Variants in UGT2A2 observed in about 807,000 individuals in gnomAD.
The protein encoded by UGT2A2 is UDP-glucuronosyltransferase 2A2.
A neutral mutation model predicts 50.7 loss-of-function variants in UGT2A2; 60 were observed. The observed-to-expected ratio is 1.18, with a 90% confidence interval of 0.96 to 1.47. UGT2A2 has a LOEUF of 1.47. Among genes scored for constraint, UGT2A2 ranks in the 40% most tolerant of loss-of-function variants. The pLI, the probability that UGT2A2 is intolerant of heterozygous loss-of-function variation, is 0.00. For missense variants in UGT2A2, 762 were observed against 634.0 expected, an observed-to-expected ratio of 1.20 and a Z score of -2.17; for synonymous variants, 242 against 214.6, an observed-to-expected ratio of 1.13 and a Z score of -1.11.
intron 1 of UGT2A2, among the ~76,000 whole-genome samples, chr4:69,620,115 T>A (rs960108590): frequency 6.6e-6 from 1 of 151,966 alleles, no homozygotes; most frequent in African/African-American, 2.4e-5. Flanking sequence ...TTCAACATAG[T>A]ACTGGAAGTC....
intron 1 of UGT2A2, among the ~76,000 whole-genome samples, chr4:69,620,742 T>C (rs1347364519): frequency 6.7e-6 from 1 of 149,168 alleles, no homozygotes; most frequent in Non-Finnish European, 1.5e-5. Context: ...CTTTAAACTA[T>C]ACTACAGGGC....
At chr4:69,598,173 C>A (rs1296819472) in intron 2 of UGT2A2, among the ~76,000 whole-genome samples, 1 of 151,902 alleles carries the variant, frequency 6.6e-6, no homozygotes, top group Non-Finnish European at 1.5e-5. Flanking sequence ...CTTGACTGGC[C>A]AGAAAATCCT....
Position 69,588,812 on chromosome 4 carries a change from G to C in UGT2A2, c.*560C>G, listed in dbSNP as rs977499148. On this transcript the variant is annotated 3_prime_UTR_variant, in exon 6 of 6. Coordinates refer to ENST00000604629, the MANE Select transcript of UGT2A2 (RefSeq NM_001105677.2). The stretch of plus-strand genomic sequence containing the variant: ...AATTTTGTAGACATTTAATAGGGAC[G>C]CACGTCACACTTAAAATTCATTCTC... 6.6e-6 allele frequency: 1 copy of C among 151,984 alleles called. No homozygotes were observed. The highest frequency in any genetic ancestry group is 1.5e-5 in the Non-Finnish European group (1 of 68,044). The allele number at this position is 151,984 out of a possible 1,614,324, so 9.4% of individuals were successfully genotyped here. A position where few individuals can be genotyped will look rare whatever the true frequency, so the allele number is the denominator to read the frequency against.
chr4:69,634,952 G>A (rs1189887571), intron 1 of UGT2A2, among the ~76,000 whole-genome samples: 1 of 151,986 alleles, frequency 6.6e-6, no homozygotes, highest in Admixed American at 6.6e-5. Context: ...CTGGGATAAG[G>A]TAACATTAGT....
intron 1 of UGT2A2, among the ~76,000 whole-genome samples, chr4:69,607,514 G>C (rs1284128581): frequency 6.6e-6 from 1 of 151,702 alleles, no homozygotes; most frequent in Non-Finnish European, 1.5e-5. Flanking sequence ...CATGGGCAAG[G>C]ACTTCATGTC....
chr4:69,620,602 C>T lies in UGT2A2; in HGVS notation c.742+18297G>A, dbSNP rs1282429870. The stretch of plus-strand genomic sequence containing the variant: ...GCTATTCATATTAAACTATTAATAC[C>T]ATTCTTCACAGAATTAGAAATAAAA... On this transcript the variant is annotated intron_variant, in intron 1 of 5. Coordinates refer to ENST00000604629, the MANE Select transcript of UGT2A2 (RefSeq NM_001105677.2). 1.2e-4 allele frequency among the ~76,000 whole-genome samples: 18 copies of T among 150,580 alleles called. 1 individual carries two copies. Among genetic ancestry groups the T allele is most frequent in the Admixed American group, 1.2e-3 (18 of 15,084 alleles).
intron 1 of UGT2A2, among the ~76,000 whole-genome samples, chr4:69,613,298 C>T (rs188116186): frequency 2.0e-5 from 3 of 151,926 alleles, no homozygotes; most frequent in African/African-American, 7.2e-5. Context: ...AAATCCAAAA[C>T]CTGAACGAGG....
rs1169210022 is a variant in UGT2A2 at position 69,596,390 on chromosome 4, A to G, written c.892-9T>C. On this transcript the variant is annotated splice_polypyrimidine_tract_variant and intron_variant, in intron 2 of 5. Coordinates refer to ENST00000604629, the MANE Select transcript of UGT2A2 (RefSeq NM_001105677.2). ...ATAAATTCTTCCATTTCCTGCATACATAATATATTTTCTATTACAAAGGTG... is the reference window on the plus strand; with the variant it reads ...ATAAATTCTTCCATTTCCTGCATACGTAATATATTTTCTATTACAAAGGTG... The G allele has an allele frequency of 6.4e-7, 1 of 1,562,582 alleles. No individual in the cohort carries two copies. Among genetic ancestry groups the G allele is most frequent in the South Asian group, 1.2e-5 (1 of 82,920 alleles).
At position 69,588,559 on chromosome 4, in the gene UGT2A2, A is replaced by C. The variant is rs1352903480; in HGVS notation, c.*813T>G. On this transcript the variant is annotated 3_prime_UTR_variant, in exon 6 of 6. Transcript: ENST00000604629. ...GTAATTATTTGTACAGTTGACTAAAAATTTTATAAAAATGATAATTATTTT... is the reference window on the plus strand; with the variant it reads ...GTAATTATTTGTACAGTTGACTAAACATTTTATAAAAATGATAATTATTTT... The C allele has an allele frequency of 1.3e-5, 2 of 152,098 alleles. No individual in the cohort carries two copies. The highest frequency in any genetic ancestry group is 2.9e-5 in the Non-Finnish European group (2 of 67,994). The allele number at this position is 152,098 out of a possible 1,614,324, so 9.4% of individuals were successfully genotyped here. A position where few individuals can be genotyped will look rare whatever the true frequency, so the allele number is the denominator to read the frequency against.
rs370915810 is a variant in UGT2A2 at position 69,595,151 on chromosome 4, C to T, written c.1111+11G>A. 1.9e-6 allele frequency: 3 copies of T among 1,613,702 alleles called. No homozygotes were observed. Among genetic ancestry groups the T allele is most frequent in the Non-Finnish European group, 1.7e-6 (2 of 1,179,816 alleles). On this transcript the variant is annotated intron_variant, in intron 4 of 5. Transcript: ENST00000604629. ...TCCCACTGTACAGCTTTTCTTTCCC[C>T]ACAGTCTTACCAAGAAGATCATTCT...
At chr4:69,598,438 T>C (rs547699472) in intron 2 of UGT2A2, among the ~76,000 whole-genome samples, 77 of 152,238 alleles carry the variant, frequency 5.1e-4, no homozygotes, top group Middle Eastern at 3.4e-3. Context: ...ATATTCCACA[T>C]TTCTTTTCTG....
At chr4:69,608,909 A>T (rs1719851159) in intron 1 of UGT2A2, among the ~76,000 whole-genome samples, 1 of 152,148 alleles carries the variant, frequency 6.6e-6, no homozygotes, top group African/African-American at 2.4e-5. Flanking sequence ...TGTTTAAAGT[A>T]AAAGCAAAAC....
chr4:69,592,412 T>G (rs544359904), intron 5 of UGT2A2, among the ~76,000 whole-genome samples: 134 of 152,048 alleles, frequency 8.8e-4, no homozygotes, highest in Non-Finnish European at 1.7e-3. Context: ...TAAAAATGCA[T>G]TTAGGTATTG....
At chr4:69,608,704 T>C (rs927594640) in intron 1 of UGT2A2, among the ~76,000 whole-genome samples, 11 of 152,232 alleles carry the variant, frequency 7.2e-5, no homozygotes, top group African/African-American at 2.6e-4. Context: ...TTTATTATCA[T>C]TATTTTTAGA....
intron 2 of UGT2A2, among the ~76,000 whole-genome samples, chr4:69,597,883 T>C (rs1719033618): frequency 6.6e-6 from 1 of 152,176 alleles, no homozygotes; most frequent in Non-Finnish European, 1.5e-5. Flanking sequence ...GTATTCATAT[T>C]TCCCAAAGCC....
At chr4:69,607,383 T>G (rs1239536110) in intron 1 of UGT2A2, among the ~76,000 whole-genome samples, 1 of 151,750 alleles carries the variant, frequency 6.6e-6, no homozygotes, top group Non-Finnish European at 1.5e-5. Flanking sequence ...AAGCTGAACC[T>G]GGATCCCTTC....
intron 1 of UGT2A2, among the ~76,000 whole-genome samples, chr4:69,608,678 A>G (rs1350800068): frequency 6.6e-6 from 1 of 152,024 alleles, no homozygotes; most frequent in African/African-American, 2.4e-5. Flanking sequence ...CAAAATACAC[A>G]CAAAAAATAA....
chr4:69,613,895 C>A (rs575721894), intron 1 of UGT2A2, among the ~76,000 whole-genome samples: 7 of 151,952 alleles, frequency 4.6e-5, no homozygotes, highest in African/African-American at 1.7e-4. Flanking sequence ...AAATTGAAAG[C>A]CTTTCTTCTA....
In UGT2A2 at chr4:69,601,882, G is replaced by T. The variant is rs375870321; in HGVS notation, c.743-2488C>A. On this transcript the variant is annotated intron_variant, in intron 1 of 5. Coordinates refer to ENST00000604629, the MANE Select transcript of UGT2A2 (RefSeq NM_001105677.2). The stretch of plus-strand genomic sequence containing the variant: ...AGCACTCATAGTAGTCTGGCCCTCA[G>T]AGACTCTTACTCTTGGGCAAAGGAG... 4.4e-5 allele frequency among the ~76,000 whole-genome samples: 6 copies of T among 136,552 alleles called. 1 individual carries two copies. The East Asian group carries it at 1.0e-3, about 23-fold the overall frequency. 89.6% of individuals were successfully genotyped at this position (136,552 alleles called of 152,430 possible). A position where few individuals can be genotyped will look rare whatever the true frequency, so the allele number is the denominator to read the frequency against.
Sources: allele counts gnomAD v4.1 joint callset (sites outside exome capture counted in the v4.1 genomes callset), GRCh38; gene constraint gnomAD v4.1.1; transcripts MANE v1.5; gene names NCBI Gene and HGNC (gene_info 2026-07-23, HGNC 2026-07-21).